Variants in USP25 observed in about 807,000 individuals in gnomAD.
The protein encoded by USP25 is ubiquitin specific peptidase 25.
Under a neutral mutation model 158.5 loss-of-function variants are expected in USP25, and 85 were observed. The observed-to-expected ratio is 0.54, with a 90% CI of 0.45 to 0.64. The LOEUF is 0.64. USP25 is among the 30% of genes least tolerant of loss of function. USP25 has a pLI of 0.00. For synonymous variants in USP25, 464 were observed against 460.4 expected, an observed-to-expected ratio of 1.01 and a Z score of -0.10; for missense variants, 1,242 against 1,327.3, an observed-to-expected ratio of 0.94 and a Z score of 1.00.
intron 4 of USP25, among the ~76,000 whole-genome samples, chr21:15,790,305 T>C (rs559931997): frequency 6.6e-6 from 1 of 152,170 alleles, no homozygotes; most frequent in South Asian, 2.1e-4. Flanking sequence ...CTTTTCACTA[T>C]ATGAGTTTAC....
At chr21:15,791,025 T>TA (rs2035561598) in intron 4 of USP25, among the ~76,000 whole-genome samples, 1 of 151,914 alleles carries the variant, frequency 6.6e-6, no homozygotes, top group Admixed American at 6.6e-5. Context: ...AAAGGAATCA[T>TA]AAAGTTTAAC....
chr21:15,819,112 C>G (rs2146329626), intron 10 of USP25, among the ~76,000 whole-genome samples: 1 of 152,250 alleles, frequency 6.6e-6, no homozygotes, highest in Middle Eastern at 3.4e-3. Context: ...ACCTTTCAAT[C>G]AAGGTACCAG....
intron 1 of USP25, among the ~76,000 whole-genome samples, chr21:15,762,428 CAG>C: frequency 6.6e-6 from 1 of 152,214 alleles, no homozygotes; most frequent in East Asian, 1.9e-4. Flanking sequence ...TCTTTTATGA[CAG>C]ATTGGACAGT....
chr21:15,791,337 G>A (rs1018515988), intron 4 of USP25, among the ~76,000 whole-genome samples, 165 bp from the exon 5 acceptor site: 9 of 151,760 alleles, frequency 5.9e-5, no homozygotes, highest in African/African-American at 2.2e-4. Flanking sequence ...CTATGTATTA[G>A]CATTGACACT....
intron 15 of USP25, 108 bp downstream of exon 15, chr21:15,830,709 A>T (rs1348411391): frequency 2.2e-6 from 2 of 927,446 alleles, no homozygotes; most frequent in Non-Finnish European, 3.0e-6. Flanking sequence ...TTGTTTTAAA[A>T]TTTTGGCAAA....
At chr21:15,797,927 T>TA (rs534535680) in intron 5 of USP25, among the ~76,000 whole-genome samples, 33 of 151,406 alleles carry the variant, frequency 2.2e-4, no homozygotes, top group African/African-American at 7.7e-4. Flanking sequence ...TTATTGTTGC[T>TA]AATCTCATAC....
chr21:15,868,408 G>A (rs529138808), intron 22 of USP25, among the ~76,000 whole-genome samples: 14 of 152,128 alleles, frequency 9.2e-5, no homozygotes, highest in African/African-American at 2.2e-4. Flanking sequence ...CCCAAGATTC[G>A]TGTTCATGGA....
chr21:15,812,960 GC>G (rs1287101049), intron 9 of USP25, among the ~76,000 whole-genome samples: 1 of 151,800 alleles, frequency 6.6e-6, no homozygotes, highest in Admixed American at 6.6e-5. Flanking sequence ...TCCCCTCTCA[GC>G]CCTTCTCTGT....
At chr21:15,863,001 T>TA (rs1186663697) in intron 20 of USP25, among the ~76,000 whole-genome samples, 2 of 151,978 alleles carry the variant, frequency 1.3e-5, no homozygotes, top group Admixed American at 1.3e-4. Flanking sequence ...TTTTTTAAAT[T>TA]AAAAAAACTT....
At chr21:15,746,722 G>T (rs920875323) in intron 1 of USP25, among the ~76,000 whole-genome samples, 2 of 152,052 alleles carry the variant, frequency 1.3e-5, no homozygotes, top group Non-Finnish European at 2.9e-5. Flanking sequence ...TATTCCAATT[G>T]TTTTTTGCTG....
chr21:15,878,379 G>T lies in USP25; in HGVS notation c.3282G>T (p.Glu1094Asp). Residue 1094 changes from glutamate to aspartate, a missense_variant, in exon 26 of 26, where the codon GAG becomes GAT. Coordinates refer to ENST00000400183, the MANE Select transcript of USP25 (RefSeq NM_001283041.3). ...DCSMEIKSFHEPPKLPSYSTH... is the reference protein window; with the variant it reads ...DCSMEIKSFHDPPKLPSYSTH... ...CTATGGAGATTAAAAGTTTCCATGAGCCACCGAAGTTACCTTCATATTCCA... is the reference window on the plus strand; with the variant it reads ...CTATGGAGATTAAAAGTTTCCATGATCCACCGAAGTTACCTTCATATTCCA... The T allele has an allele frequency of 1.2e-6, 2 of 1,614,032 alleles. No individual in the cohort carries two copies. Among genetic ancestry groups the T allele is most frequent in the Non-Finnish European group, 1.7e-6 (2 of 1,179,976 alleles).
chr21:15,738,534 G>C (rs1174467442), intron 1 of USP25, among the ~76,000 whole-genome samples: 1 of 152,166 alleles, frequency 6.6e-6, no homozygotes, highest in African/African-American at 2.4e-5. Context: ...TTATATGGCA[G>C]TGCTTTTAAA....
At chr21:15,815,862 A>G (rs775294164) in intron 9 of USP25, among the ~76,000 whole-genome samples, 2 of 152,154 alleles carry the variant, frequency 1.3e-5, no homozygotes, top group Admixed American at 6.5e-5. Context: ...TGCTTTTGAT[A>G]TTACAGGCTT....
chr21:15,756,684 A>C (rs2033398589), intron 1 of USP25, among the ~76,000 whole-genome samples: 1 of 152,212 alleles, frequency 6.6e-6, no homozygotes, highest in Non-Finnish European at 1.5e-5. Flanking sequence ...TTTTGCACAT[A>C]GTAGACACTT....
At chr21:15,860,967 T>TAGAG (rs1285954666) in intron 20 of USP25, among the ~76,000 whole-genome samples, 16 of 141,216 alleles carry the variant, frequency 1.1e-4, no homozygotes, top group African/African-American at 3.6e-4. Context: ...TATATATATA[T>TAGAG]ATATATATAG....
intron 20 of USP25, among the ~76,000 whole-genome samples, chr21:15,855,465 G>A (rs1411210000): frequency 6.6e-6 from 1 of 152,100 alleles, no homozygotes; most frequent in African/African-American, 2.4e-5. Flanking sequence ...TGAAGAGGAA[G>A]AATTATTTAT....
At chr21:15,833,252 A>G in intron 16 of USP25, 96 bp from the exon 17 acceptor site, 4 of 1,148,710 alleles carry the variant, frequency 3.5e-6, no homozygotes, top group Non-Finnish European at 5.0e-6. Context: ...GTAATAATTC[A>G]TAGTTTAAAT....
chr21:15,874,501 C>T lies in USP25; in HGVS notation c.2984C>T (p.Ser995Leu). Residue 995 changes from serine (S) to leucine (L), a missense_variant, in exon 24 of 26, where the codon TCA becomes TTA. Ser to Leu is a moderately radical substitution (Grantham distance 145, BLOSUM62 -2). Around this residue, in one of 3 missense-constraint regions of USP25, gnomAD observed 608 missense variants for 605.2 expected, o/e 1.00. Coordinates refer to ENST00000400183, the MANE Select transcript of USP25 (RefSeq NM_001283041.3). ...LYRGHDEELI[S>L]HYRRECLLKL... Reference sequence around the variant, plus strand: ...AGAGGACATGATGAAGAATTGATATCACATTATAGAAGAGAATGTTTGCTA... The same window carrying T: ...AGAGGACATGATGAAGAATTGATATTACATTATAGAAGAGAATGTTTGCTA... 2 of 1,606,898 alleles carry T rather than the reference C, an allele frequency of 1.2e-6. No individual in the cohort carries two copies. Among genetic ancestry groups the T allele is most frequent in the Non-Finnish European group, 1.7e-6 (2 of 1,177,770 alleles).
chr21:15,853,296 T>C (rs546756617), intron 20 of USP25, among the ~76,000 whole-genome samples: 10 of 151,718 alleles, frequency 6.6e-5, no homozygotes, highest in Middle Eastern at 3.4e-3. Context: ...TGTGTACACA[T>C]GTGTACACAC....
Sources: allele counts gnomAD v4.1 joint callset (sites outside exome capture counted in the v4.1 genomes callset), GRCh38; gene constraint gnomAD v4.1.1; regional missense constraint gnomAD v4.1.1; transcripts MANE v1.5; gene names NCBI Gene and HGNC (gene_info 2026-07-23, HGNC 2026-07-21).